IFT43: variants seen among roughly 807,000 people sequenced by gnomAD.
The protein encoded by IFT43 is intraflagellar transport protein 43 homolog.
In IFT43, 33 loss-of-function variants were observed where a neutral mutation model predicts 32.3. The observed-to-expected ratio is 1.02, with a 90% confidence interval of 0.77 to 1.37. The LOEUF is 1.37. Ranked by LOEUF, IFT43 falls within the 40% of genes most tolerant of loss-of-function variation. The pLI is 0.00. For synonymous variants in IFT43, 93 were observed against 98.2 expected, an observed-to-expected ratio of 0.95 and a Z score of 0.31; for missense variants, 274 against 265.9, an observed-to-expected ratio of 1.03 and a Z score of -0.21.
chr14:76,011,878 G>A (rs986902303), intron 2 of IFT43, among the ~76,000 whole-genome samples: 4 of 152,172 alleles, frequency 2.6e-5, no homozygotes, highest in African/African-American at 9.7e-5. Flanking sequence ...GATTGCAGGA[G>A]TAGATGCCAG....
intron 2 of IFT43, among the ~76,000 whole-genome samples, chr14:75,990,962 A>G (rs932700110): frequency 9.2e-5 from 14 of 152,192 alleles, no homozygotes; most frequent in African/African-American, 2.9e-4. Context: ...ATTTCAGTGA[A>G]CAAAAGAGAC....
chr14:76,049,252 T>C (rs2036866614), intron 3 of IFT43, among the ~76,000 whole-genome samples: 1 of 152,226 alleles, frequency 6.6e-6, no homozygotes, highest in Non-Finnish European at 1.5e-5. Context: ...GATTCGTGTC[T>C]AGTCCCAAAG....
At chr14:76,029,654 G>A (rs1228602097) in intron 3 of IFT43, among the ~76,000 whole-genome samples, 1 of 151,960 alleles carries the variant, frequency 6.6e-6, no homozygotes, top group East Asian at 1.9e-4. Flanking sequence ...TGATAGGAAG[G>A]GGTCCAGTTT....
chr14:76,030,990 A>G (rs565010945), intron 3 of IFT43, among the ~76,000 whole-genome samples: 3 of 149,864 alleles, frequency 2.0e-5, no homozygotes, highest in African/African-American at 7.3e-5. Context: ...TATCTTTCCT[A>G]TACTTCTTTT....
At chr14:76,042,022 A>G (rs553304528) in intron 3 of IFT43, among the ~76,000 whole-genome samples, 7 of 152,264 alleles carry the variant, frequency 4.6e-5, no homozygotes, top group African/African-American at 1.7e-4. Flanking sequence ...CCTCAGAAAC[A>G]GATTCTGGCT....
chr14:75,992,360 C>G (rs192629242), intron 2 of IFT43, among the ~76,000 whole-genome samples: 1 of 152,270 alleles, frequency 6.6e-6, no homozygotes, highest in Admixed American at 6.5e-5. Flanking sequence ...AAGCACTGTG[C>G]AAGCATTCAT....
At chr14:76,075,522 G>A (rs998758432) in intron 5 of IFT43, among the ~76,000 whole-genome samples, 2 of 152,052 alleles carry the variant, frequency 1.3e-5, no homozygotes, top group African/African-American at 2.4e-5. Flanking sequence ...TTATTTATAC[G>A]ATTGAGATCC....
chr14:76,057,899 T>C (rs910903498), intron 3 of IFT43, among the ~76,000 whole-genome samples: 2 of 152,220 alleles, frequency 1.3e-5, no homozygotes, highest in Non-Finnish European at 2.9e-5. Context: ...GCCAGTCTTA[T>C]TAGAAAACTT....
At chr14:76,007,474 A>C (rs1198352196) in intron 2 of IFT43, among the ~76,000 whole-genome samples, 1 of 152,150 alleles carries the variant, frequency 6.6e-6, no homozygotes, top group East Asian at 1.9e-4. Context: ...TAAAGCATCA[A>C]GGTTACAGCT....
At chr14:76,079,718 C>T (rs2037474191) in intron 5 of IFT43, among the ~76,000 whole-genome samples, 1 of 152,182 alleles carries the variant, frequency 6.6e-6, no homozygotes, top group Non-Finnish European at 1.5e-5. Flanking sequence ...AGAACCGACT[C>T]CTGTCTTCCT....
intron 3 of IFT43, among the ~76,000 whole-genome samples, chr14:76,044,143 G>A (rs28620066): frequency 0.012 from 1,861 of 149,998 alleles, 21 homozygotes; most frequent in African/African-American, 0.022. Context: ...TCCACCTTCC[G>A]CCCTATGTGC....
At position 76,040,038 on chromosome 14, in the gene IFT43, G is replaced by C. The variant is rs1355609489; in HGVS notation, c.215+17644G>C. 2.0e-5 allele frequency among the ~76,000 whole-genome samples: 3 copies of C among 152,140 alleles called. No individual in the cohort carries two copies. The South Asian group carries it at 6.2e-4, about 32-fold the overall frequency. ...CGTGATCATGGGTCACTGCAGCCTT[G>C]ACCTCCCAGCCTCAAGCAATCCTCC... On this transcript the variant is annotated intron_variant, in intron 3 of 8. Coordinates refer to ENST00000314067, the MANE Select transcript of IFT43 (RefSeq NM_001102564.3).
intron 3 of IFT43, among the ~76,000 whole-genome samples, chr14:76,056,046 A>G (rs931085012): frequency 1.3e-5 from 2 of 152,262 alleles, no homozygotes; most frequent in African/African-American, 2.4e-5. Flanking sequence ...TTTTTATACA[A>G]AATCTCCCCA....
At chr14:75,990,303 C>G (rs529818912) in intron 2 of IFT43, among the ~76,000 whole-genome samples, 5 of 152,212 alleles carry the variant, frequency 3.3e-5, no homozygotes, top group Non-Finnish European at 5.9e-5. Context: ...TTAAGAAAAC[C>G]TAATCACCAT....
chr14:76,028,644 T>A (rs1405975872), intron 3 of IFT43, among the ~76,000 whole-genome samples: 1 of 152,140 alleles, frequency 6.6e-6, no homozygotes, highest in Non-Finnish European at 1.5e-5. Context: ...CATTGTCTGT[T>A]GTTCCCTCCT....
intron 3 of IFT43, 129 bp downstream of exon 3, chr14:76,022,523 C>T (rs1385333200): frequency 3.2e-6 from 2 of 629,778 alleles, no homozygotes; most frequent in East Asian, 5.3e-5. Flanking sequence ...AATTCACCCA[C>T]TTAAAATGCA....
intron 5 of IFT43, among the ~76,000 whole-genome samples, chr14:76,065,120 C>G (rs1291488097): frequency 2.0e-5 from 3 of 152,152 alleles, no homozygotes; most frequent in African/African-American, 4.8e-5. Flanking sequence ...CAGACCTGTC[C>G]TTTGTCATGT....
chr14:76,083,578 G>A lies in IFT43; in HGVS notation c.*1G>A, dbSNP rs762324607. On this transcript the variant is annotated 3_prime_UTR_variant, in exon 9 of 9. Coordinates refer to ENST00000314067, the MANE Select transcript of IFT43 (RefSeq NM_001102564.3). ...TGCGGGGCAGGCCAGGCACACCTGA[G>A]CCCGTCACCCATGCTCTAGACATGA... 6.2e-7 allele frequency: 1 copy of A among 1,613,908 alleles called. No homozygotes were observed. Among genetic ancestry groups the A allele is most frequent in the South Asian group, 1.1e-5 (1 of 91,086 alleles).
intron 2 of IFT43, among the ~76,000 whole-genome samples, chr14:76,006,970 A>C (rs1236272615): frequency 1.3e-5 from 2 of 149,378 alleles, no homozygotes; most frequent in East Asian, 2.0e-4. Flanking sequence ...CAATCCTCCT[A>C]GATCAGCCTC....
Sources: allele counts gnomAD v4.1 joint callset (sites outside exome capture counted in the v4.1 genomes callset), GRCh38; gene constraint gnomAD v4.1.1; transcripts MANE v1.5; gene names NCBI Gene and HGNC (gene_info 2026-07-23, HGNC 2026-07-21).